Variants in MARF1 observed in about 807,000 individuals in gnomAD.
MARF1 encodes limkain-b1.
A neutral mutation model predicts 168.2 loss-of-function variants in MARF1; 24 were observed. That is an observed-to-expected ratio of 0.14 (90% CI 0.10 to 0.20). The LOEUF (loss-of-function observed/expected upper bound fraction) is 0.20, where lower values mean the gene tolerates loss of function less well. Among genes scored for constraint, MARF1 ranks in the 10% least tolerant of loss-of-function variants. MARF1 has a pLI of 1.00. For synonymous variants in MARF1, 868 were observed against 822.4 expected (o/e 1.06, Z -0.95); for missense variants, 1,744 against 2,143.6 (o/e 0.81, Z 3.68).
At chr16:15,630,041 C>G (rs2035146116) in intron 7 of MARF1, among the ~76,000 whole-genome samples, 1 of 152,222 alleles carries the variant, frequency 6.6e-6, no homozygotes, top group South Asian at 2.1e-4. Context: ...TTATTTCTAT[C>G]CACCTGACAC....
chr16:15,604,929 C>G (rs2032875489), intron 21 of MARF1, among the ~76,000 whole-genome samples: 1 of 152,202 alleles, frequency 6.6e-6, no homozygotes, highest in African/African-American at 2.4e-5. Flanking sequence ...TCTGCTATTA[C>G]TCACCACAAA....
Position 15,615,911 on chromosome 16 carries a change from G to T in MARF1, c.3172C>A (p.Pro1058Thr). The T allele has an allele frequency of 6.2e-7, 1 of 1,603,776 alleles. No individual in the cohort carries two copies. The highest frequency in any genetic ancestry group is 2.3e-5 in the East Asian group (1 of 44,278). The change falls in exon 16 of 27, where the codon CCA (proline) becomes ACA (threonine). Residue 1058 changes from proline (P) to threonine (T), a missense_variant. Around this residue, in one of 7 missense-constraint regions of MARF1, gnomAD observed 543 missense variants for 742.1 expected, o/e 0.73. Coordinates refer to ENST00000396368, the MANE Select transcript of MARF1 (RefSeq NM_014647.4). ...TGAGCAGTGGCAATGTTTACACCTGGAACACAGGTAATGAAGTGTTCTAAG... is the reference window on the plus strand; with the variant it reads ...TGAGCAGTGGCAATGTTTACACCTGTAACACAGGTAATGAAGTGTTCTAAG... The part of the protein sequence containing the change: ...VPLEHFITCV[P>T]GVNIATAQNG...
At chr16:15,633,939 A>T (rs1011464042) in intron 4 of MARF1, 96 bp from the exon 5 acceptor site, 3 of 1,034,582 alleles carry the variant, frequency 2.9e-6, no homozygotes, top group Non-Finnish European at 4.2e-6. Context: ...AGTGGTAGAA[A>T]AACTAAATTA....
Position 15,600,507 on chromosome 16 carries a change from C to A in MARF1, c.4734G>T (p.Gln1578His), listed in dbSNP as rs1200839248. Residue 1578 changes from glutamine (Q) to histidine (H), a missense_variant, in exon 25 of 27, where the codon CAG (glutamine) becomes CAT (histidine). Transcript: ENST00000396368. ...CCAGGATGCGCTCGCCCTCCGAGGGCTGGTTTTCATGATTGGCAGGGGAGA... is the reference window on the plus strand; with the variant it reads ...CCAGGATGCGCTCGCCCTCCGAGGGATGGTTTTCATGATTGGCAGGGGAGA... ...LSLSPANHEN[Q>H]PSEGERILEV... 1 of 1,614,188 alleles carries A rather than the reference C, an allele frequency of 6.2e-7. No homozygotes were observed. Among genetic ancestry groups the A allele is most frequent in the Non-Finnish European group, 8.5e-7 (1 of 1,180,044 alleles).
rs150776806 is a variant in MARF1, at chr16:15,635,537, C to A, written c.831+119G>T. On this transcript the variant is annotated intron_variant, in intron 3 of 26. Coordinates refer to ENST00000396368, the MANE Select transcript of MARF1 (RefSeq NM_014647.4). ...CAAAAATTATGCTGATGGGGAGATT[C>A]CCCTATACCATGGGAGAATCTTCAA... 1.0e-3 allele frequency: 930 copies of A among 898,474 alleles called. 11 individuals carry two copies. In the African/African-American group the frequency reaches 0.013, roughly 13 times the overall value. 55.7% of individuals were successfully genotyped at this position (898,474 alleles called of 1,614,324 possible).
intron 1 of MARF1, among the ~76,000 whole-genome samples, chr16:15,640,914 A>C (rs750824993): frequency 1.3e-5 from 2 of 152,204 alleles, no homozygotes; most frequent in Non-Finnish European, 2.9e-5. Context: ...ATATAGCAAG[A>C]TCACAGCTCT....
At chr16:15,609,918 A>C (rs998554970) in intron 19 of MARF1, among the ~76,000 whole-genome samples, 193 bp from the exon 20 acceptor site, 8 of 152,214 alleles carry the variant, frequency 5.3e-5, no homozygotes, top group African/African-American at 1.9e-4. Context: ...CCAGGGCAGA[A>C]CACCAGGAAG....
Position 15,639,295 on chromosome 16 carries a change from TTAAGAA to T in MARF1, c.-58-10_-58-5del. 6.5e-7 allele frequency: 1 copy of T among 1,528,716 alleles called. No homozygotes were observed. Among genetic ancestry groups the T allele is most frequent in the Non-Finnish European group, 8.9e-7 (1 of 1,128,142 alleles). 94.7% of individuals were successfully genotyped at this position (1,528,716 alleles called of 1,614,324 possible). A position where few individuals can be genotyped will look rare whatever the true frequency, so the allele number is the denominator to read the frequency against. On this transcript the variant is annotated splice_polypyrimidine_tract_variant and splice_region_variant and intron_variant, in intron 1 of 26. Transcript: ENST00000396368. ...TCTTTTCTTTCATTCTTCCACCCTG[TTAAGAA>T]TGAGTAAGATTTCAGTGTTATTTCC...
chr16:15,596,663 C>A lies in MARF1; in HGVS notation c.*30G>T. ...TGTGTGCAGAATCAGACAGTGTTTTCCCATCCTAATTCTATATTCCAAATG... is the reference window on the plus strand; with the variant it reads ...TGTGTGCAGAATCAGACAGTGTTTTACCATCCTAATTCTATATTCCAAATG... On this transcript the variant is annotated 3_prime_UTR_variant, in exon 27 of 27. Transcript: ENST00000396368. 1 of 1,539,170 alleles carries A rather than the reference C, an allele frequency of 6.5e-7. No homozygotes were observed. The highest frequency in any genetic ancestry group is 8.8e-7 in the Non-Finnish European group (1 of 1,139,134).
At chr16:15,622,062 G>GT (rs2034502234) in intron 11 of MARF1, 151 bp from the exon 12 acceptor site, 8 of 691,342 alleles carry the variant, frequency 1.2e-5, no homozygotes, top group Non-Finnish European at 1.7e-5. Flanking sequence ...TGACCAGGAC[G>GT]TAAGAAAGTG....
At chr16:15,619,443 G>A (rs2034295164) in intron 13 of MARF1, among the ~76,000 whole-genome samples, 1 of 152,066 alleles carries the variant, frequency 6.6e-6, no homozygotes, top group Non-Finnish European at 1.5e-5. Flanking sequence ...CCCTGTTCCT[G>A]CCCTCTCAGA....
At chr16:15,607,026 G>C (rs541273831) in intron 21 of MARF1, among the ~76,000 whole-genome samples, 3 of 152,072 alleles carry the variant, frequency 2.0e-5, no homozygotes, top group Non-Finnish European at 4.4e-5. Context: ...CAGCAGCACC[G>C]ACTCTTCCCA....
intron 2 of MARF1, among the ~76,000 whole-genome samples, chr16:15,638,137 C>G (rs1348411792): frequency 6.6e-6 from 1 of 152,150 alleles, no homozygotes; most frequent in African/African-American, 2.4e-5. Context: ...GCACTCCAGC[C>G]TAGGGGGCTG....
intron 23 of MARF1, chr16:15,601,017 C>T (rs1224923148): frequency 3.3e-6 from 2 of 607,298 alleles, no homozygotes; most frequent in Admixed American, 2.1e-5. Context: ...CACATGAGAG[C>T]TCTTTGCCAT....
intron 15 of MARF1, chr16:15,616,766 C>A: frequency 2.9e-6 from 1 of 350,838 alleles, no homozygotes; most frequent in Non-Finnish European, 5.2e-6. Flanking sequence ...TACTGTACTA[C>A]ACACTGTGAG....
chr16:15,619,863 C>T (rs2034322162), intron 13 of MARF1, among the ~76,000 whole-genome samples: 1 of 152,092 alleles, frequency 6.6e-6, no homozygotes, highest in African/African-American at 2.4e-5. Flanking sequence ...AAATGTTCAT[C>T]CAATAAATAC....
intron 25 of MARF1, 75 bp downstream of exon 25, chr16:15,600,353 C>A: frequency 1.3e-6 from 2 of 1,592,712 alleles, no homozygotes; most frequent in Admixed American, 1.7e-5. Context: ...AGTCCTTTCC[C>A]TCGCTCTCCC....
chr16:15,603,081 C>G (rs1031502675), intron 22 of MARF1, among the ~76,000 whole-genome samples: 9 of 152,166 alleles, frequency 5.9e-5, no homozygotes, highest in African/African-American at 2.2e-4. Flanking sequence ...TGCATTAACA[C>G]CTGTCCAGAA....
chr16:15,608,772 T>G (rs997153948), intron 20 of MARF1: 4 of 472,746 alleles, frequency 8.5e-6, no homozygotes, highest in Non-Finnish European at 1.5e-5. Context: ...TGTGCCACAA[T>G]AAAACAATTT....
Sources: gnomAD v4.1 joint callset for allele counts (sites outside exome capture counted in the v4.1 genomes callset) on GRCh38, gnomAD v4.1.1 for gene constraint, gnomAD v4.1.1 regional missense constraint, MANE v1.5 for transcripts, NCBI Gene and HGNC (gene_info 2026-07-23, HGNC 2026-07-21) for gene names.